The following RHOT1 variants were observed in gnomAD, a reference collection of about 807,000 sequenced individuals.
RHOT1 encodes ras homolog family member T1.
RHOT1 carries 27 observed loss-of-function variants against 95.3 expected under a neutral mutation model. The observed-to-expected ratio is 0.28, with a 90% confidence interval of 0.21 to 0.39. The LOEUF (loss-of-function observed/expected upper bound fraction) is 0.39, where lower values mean the gene tolerates loss of function less well. RHOT1 is among the 10% of genes least tolerant of loss of function. The probability of loss-of-function intolerance (pLI) is 1.00; values close to 1 mark genes in which losing one functional copy is unlikely to be tolerated. For missense variants in RHOT1, 578 were observed against 786.7 expected (o/e 0.73, Z 3.17); for synonymous variants, 227 against 263.5 (o/e 0.86, Z 1.34).
chr17:32,211,180 C>T lies in RHOT1; in HGVS notation c.1804C>T (p.Leu602Phe). The part of the protein sequence containing the change: ...RCTFCICQNF[L>F]NSDLLQSVKN... ...TACATTTTGCATCTGTCAGAACTTC[C>T]TCAACTCAGACTTGCTGCAATCTGT... The change falls in exon 19 of 20, where the codon CTC (leucine) becomes TTC (phenylalanine). Residue 602 changes from leucine to phenylalanine, a missense_variant. Physicochemically the swap from Leu to Phe is conservative, Grantham distance 22 (BLOSUM62 0). Around this residue, in one of 4 missense-constraint regions of RHOT1, gnomAD observed 296 missense variants for 338.5 expected, o/e 0.87. Coordinates refer to ENST00000545287, the MANE Select transcript of RHOT1 (RefSeq NM_001033566.3). The T allele has an allele frequency of 5.0e-6, 8 of 1,612,874 alleles. No individual in the cohort carries two copies. Among genetic ancestry groups the T allele is most frequent in the Non-Finnish European group, 6.8e-6 (8 of 1,179,090 alleles).
chr17:32,223,076 GA>G (rs1382797704), intron 19 of RHOT1, among the ~76,000 whole-genome samples: 3 of 151,610 alleles, frequency 2.0e-5, no homozygotes. Context: ...TGTGAGGAGT[GA>G]TTTTTTTTTT....
intron 1 of RHOT1, among the ~76,000 whole-genome samples, chr17:32,168,374 G>A (rs570373916): frequency 5.3e-5 from 8 of 152,108 alleles, no homozygotes; most frequent in Admixed American, 5.2e-4. Context: ...GGCTCAAGCA[G>A]TCCTCCTGCC....
intron 8 of RHOT1, among the ~76,000 whole-genome samples, chr17:32,187,009 G>A (rs1023140876): frequency 2.6e-5 from 4 of 151,802 alleles, no homozygotes; most frequent in Non-Finnish European, 5.9e-5. Flanking sequence ...AGCGGGGGCC[G>A]GGTGCAGTGG....
intron 1 of RHOT1, among the ~76,000 whole-genome samples, chr17:32,162,642 C>T (rs1429595355): frequency 6.6e-6 from 1 of 152,162 alleles, no homozygotes; most frequent in African/African-American, 2.4e-5. Flanking sequence ...TCAGATGATT[C>T]AGTCTGGTTG....
In RHOT1 at chr17:32,224,800, C is replaced by G; in HGVS notation, c.*67C>G. 1.1e-6 allele frequency: 1 copy of G among 907,388 alleles called. No individual in the cohort carries two copies. Among genetic ancestry groups the G allele is most frequent in the Admixed American group, 2.1e-5 (1 of 47,300 alleles). The allele number at this position is 907,388 out of a possible 1,614,324, so 56.2% of individuals were successfully genotyped here. A position where few individuals can be genotyped will look rare whatever the true frequency, so the allele number is the denominator to read the frequency against. ...ATGTACATTCTGAATGCTTTAAGTT[C>G]TGCTAGAATTATTGAGATATTTATA... On this transcript the variant is annotated 3_prime_UTR_variant, in exon 20 of 20. Coordinates refer to ENST00000545287, the MANE Select transcript of RHOT1 (RefSeq NM_001033566.3).
chr17:32,182,384 G>T (rs2035710992), intron 6 of RHOT1, among the ~76,000 whole-genome samples: 1 of 152,142 alleles, frequency 6.6e-6, no homozygotes, highest in Non-Finnish European at 1.5e-5. Flanking sequence ...TACTAGGGAG[G>T]CTAGGGCAAG....
chr17:32,201,787 T>C (rs955203416), intron 14 of RHOT1, among the ~76,000 whole-genome samples: 2 of 152,074 alleles, frequency 1.3e-5, no homozygotes, highest in South Asian at 2.1e-4. Context: ...CTATAACTTA[T>C]TTAACTATCC....
At chr17:32,177,029 G>A (rs1309173805) in intron 6 of RHOT1, among the ~76,000 whole-genome samples, 2 of 152,120 alleles carry the variant, frequency 1.3e-5, no homozygotes, top group Admixed American at 6.6e-5. Flanking sequence ...TTAACCCTCT[G>A]TCTTACATAT....
intron 19 of RHOT1, among the ~76,000 whole-genome samples, chr17:32,217,273 GT>G (rs2038532452): frequency 6.6e-6 from 1 of 152,068 alleles, no homozygotes; most frequent in Non-Finnish European, 1.5e-5. Context: ...CTTGCTTATG[GT>G]TTGTGTTGAA....
chr17:32,149,635 A>ATATGTGTGTGTGTGTGTG (rs1445281403), intron 1 of RHOT1, among the ~76,000 whole-genome samples: 13 of 59,082 alleles, frequency 2.2e-4, no homozygotes, highest in Admixed American at 4.4e-4. Context: ...ATATATATAT[A>ATATGTGTGTGTGTGTGTG]TGTGTGTGTG....
At chr17:32,190,215 G>T (rs1045281143) in intron 8 of RHOT1, among the ~76,000 whole-genome samples, 2 of 152,060 alleles carry the variant, frequency 1.3e-5, no homozygotes, top group African/African-American at 2.4e-5. Context: ...CAGCACTTTG[G>T]GGGGCCGAGG....
intron 6 of RHOT1, chr17:32,179,701 T>C (rs1414973766): frequency 1.1e-4 from 15 of 139,750 alleles, no homozygotes; most frequent in African/African-American, 3.3e-4. Flanking sequence ...GGAGCCCCTC[T>C]GCCCGGCTGC....
At chr17:32,205,187 G>GC (rs1428174451) in intron 16 of RHOT1, among the ~76,000 whole-genome samples, 1 of 151,814 alleles carries the variant, frequency 6.6e-6, no homozygotes, top group African/African-American at 2.4e-5. Context: ...CCCCTGACAG[G>GC]CCCCTGTGTG....
chr17:32,221,812 A>T (rs954378642), intron 19 of RHOT1, among the ~76,000 whole-genome samples: 5 of 152,222 alleles, frequency 3.3e-5, no homozygotes, highest in African/African-American at 1.2e-4. Context: ...ATATTATTTC[A>T]TGTGTCTTAA....
chr17:32,192,731 G>A (rs570722137), intron 9 of RHOT1, among the ~76,000 whole-genome samples: 80 of 150,858 alleles, frequency 5.3e-4, no homozygotes, highest in African/African-American at 1.5e-3. Context: ...TAGTGCAATG[G>A]CGCCATCTCG....
intron 19 of RHOT1, among the ~76,000 whole-genome samples, chr17:32,213,924 G>T (rs1025066447): frequency 6.6e-6 from 1 of 152,054 alleles, no homozygotes; most frequent in Non-Finnish European, 1.5e-5. Flanking sequence ...AAATCAGTAC[G>T]TTTCGGTCAT....
rs750962127 is a variant in RHOT1 at position 32,211,097 on chromosome 17, C to T, written c.1740-19C>T. ...TGTAAGTAAGAACTCAACTCCTGTC[C>T]TTCTGTGTGTTTTCGCAGCCATGCC... On this transcript the variant is annotated intron_variant, in intron 18 of 19. Coordinates refer to ENST00000545287, the MANE Select transcript of RHOT1 (RefSeq NM_001033566.3). 8 of 1,592,436 alleles carry T rather than the reference C, an allele frequency of 5.0e-6. No individual in the cohort carries two copies. Among genetic ancestry groups the T allele is most frequent in the Non-Finnish European group, 6.0e-6 (7 of 1,164,320 alleles).
intron 1 of RHOT1, among the ~76,000 whole-genome samples, chr17:32,149,635 A>ATATATATATATATATGTG (rs1445281403): frequency 1.0e-4 from 6 of 59,096 alleles, no homozygotes; most frequent in Non-Finnish European, 1.4e-4. Context: ...ATATATATAT[A>ATATATATATATATATGTG]TGTGTGTGTG....
intron 10 of RHOT1, 144 bp from the exon 11 acceptor site, chr17:32,193,843 A>G: frequency 1.0e-6 from 1 of 972,892 alleles, no homozygotes; most frequent in Non-Finnish European, 1.5e-6. Context: ...TTTCATTGAG[A>G]TACTTGTGAA....
Sources: gnomAD v4.1 joint callset for allele counts (sites outside exome capture counted in the v4.1 genomes callset) on GRCh38, gnomAD v4.1.1 for gene constraint, gnomAD v4.1.1 regional missense constraint, MANE v1.5 for transcripts, NCBI Gene and HGNC (gene_info 2026-07-23, HGNC 2026-07-21) for gene names.